The following PHF24 variants were observed in gnomAD, a reference collection of about 807,000 sequenced individuals.
The protein encoded by PHF24 is PHD finger protein 24.
In PHF24, 25 loss-of-function variants were observed where a neutral mutation model predicts 42.6. The observed-to-expected ratio is 0.59, with a 90% CI of 0.43 to 0.82. PHF24 has a LOEUF of 0.82. Ranked by LOEUF, PHF24 falls within the 40% of genes least tolerant of loss-of-function variation. PHF24 has a pLI of 0.00. For missense variants in PHF24, 470 were observed against 538.1 expected, an observed-to-expected ratio of 0.87 and a Z score of 1.25; for synonymous variants, 185 against 204.8, an observed-to-expected ratio of 0.90 and a Z score of 0.83.
upstream of PHF24, chr9:34,958,226 G>GCGCCGCCGCCGCCGCCGCCGC (rs1240549939): frequency 1.3e-4 from 20 of 150,366 alleles, 1 homozygote; most frequent in African/African-American, 4.6e-4. The surrounding 1 kb of genome is among the most constrained non-coding windows in gnomAD (Gnocchi z 4.5). Flanking sequence ...CCGGCCGCGC[G>GCGCCGCCGCCGCCGCCGCCGC]CGCCGCCGCC....
chr9:34,804,685 A>G, the PHF24 span, among the ~76,000 whole-genome samples: 2 of 151,590 alleles, frequency 1.3e-5, no homozygotes, highest in Non-Finnish European at 2.9e-5. Flanking sequence ...CTGACTCCAG[A>G]ATCCATGCTT....
chr9:34,917,073 G>T, the PHF24 span: 1 of 704,604 alleles, frequency 1.4e-6, no homozygotes. Flanking sequence ...AGAGCGGAGC[G>T]TGTGAGCAGC....
At chr9:34,893,818 G>C in the PHF24 span, among the ~76,000 whole-genome samples, 1 of 152,164 alleles carries the variant, frequency 6.6e-6, no homozygotes, top group African/African-American at 2.4e-5. Flanking sequence ...GGCATCACCA[G>C]TTAGAACCCG....
At chr9:34,920,343 T>A in the PHF24 span, among the ~76,000 whole-genome samples, 1 of 152,178 alleles carries the variant, frequency 6.6e-6, no homozygotes, top group African/African-American at 2.4e-5. Flanking sequence ...TGTTTCTGGG[T>A]TCTCTGTTCT....
At chr9:34,730,253 T>C in the PHF24 span, among the ~76,000 whole-genome samples, 10 of 152,330 alleles carry the variant, frequency 6.6e-5, no homozygotes, top group East Asian at 1.9e-3. Context: ...TTTTGTAAAT[T>C]TTTAGGCAGG....
chr9:34,686,952 TG>T, the PHF24 span, among the ~76,000 whole-genome samples: 1 of 150,858 alleles, frequency 6.6e-6, no homozygotes, highest in East Asian at 1.9e-4. Flanking sequence ...AATGTTAGAG[TG>T]GGGCAGGATG....
chr9:34,958,239 C>CGCG (rs1826451222), upstream of PHF24: 1 of 150,466 alleles, frequency 6.6e-6, no homozygotes, highest in African/African-American at 2.6e-5. This position sits in a 1 kb window ranked among gnomAD's most constrained non-coding sequence, Gnocchi z 4.5. Context: ...CCGCCGCCGC[C>CGCG]GCCGCCGCCG....
chr9:34,677,553 C>T, the PHF24 span, among the ~76,000 whole-genome samples: 6 of 151,942 alleles, frequency 3.9e-5, no homozygotes, highest in East Asian at 1.9e-4. Flanking sequence ...CCCGCCACCA[C>T]GCCTGGCTAA....
the PHF24 span, among the ~76,000 whole-genome samples, chr9:34,771,992 G>A: frequency 1.3e-5 from 2 of 152,122 alleles, no homozygotes; most frequent in Non-Finnish European, 2.9e-5. Flanking sequence ...GATAATAGCC[G>A]TTAAATAACA....
chr9:34,957,968 G>A (rs1260529940), upstream of PHF24, among the ~76,000 whole-genome samples: 3 of 151,208 alleles, frequency 2.0e-5, no homozygotes, highest in Admixed American at 6.6e-5. Flanking sequence ...CCGCAGTGCC[G>A]GGCGCTCGTG....
At chr9:34,767,516 G>A in the PHF24 span, among the ~76,000 whole-genome samples, 1 of 152,242 alleles carries the variant, frequency 6.6e-6, no homozygotes, top group Non-Finnish European at 1.5e-5. Context: ...GCCAGGTGCG[G>A]GATATAGTCT....
the PHF24 span, among the ~76,000 whole-genome samples, chr9:34,806,062 A>G: frequency 3.3e-5 from 5 of 152,214 alleles, no homozygotes; most frequent in African/African-American, 1.2e-4. Context: ...TCTTAACTCT[A>G]TTTCACTGAT....
At chr9:34,726,374 G>T in the PHF24 span, 2 of 1,548,312 alleles carry the variant, frequency 1.3e-6, no homozygotes, top group Admixed American at 3.9e-5. Context: ...CAGCACTTCA[G>T]GACTGAGAAA....
chr9:34,928,521 T>C, the PHF24 span, among the ~76,000 whole-genome samples: 1 of 152,184 alleles, frequency 6.6e-6, no homozygotes, highest in African/African-American at 2.4e-5. Context: ...CAAAAAAGAC[T>C]CTCCTGAGCT....
At chr9:34,885,792 G>A in the PHF24 span, among the ~76,000 whole-genome samples, 1 of 151,554 alleles carries the variant, frequency 6.6e-6, no homozygotes, top group Admixed American at 6.6e-5. Context: ...AGCACCTGCT[G>A]CACAGATATC....
chr9:34,770,328 T>C, the PHF24 span, among the ~76,000 whole-genome samples: 1 of 152,182 alleles, frequency 6.6e-6, no homozygotes, highest in Non-Finnish European at 1.5e-5. Context: ...CACACCTTTT[T>C]TCTCACAGCA....
chr9:34,668,897 T>A, the PHF24 span, among the ~76,000 whole-genome samples: 3 of 151,860 alleles, frequency 2.0e-5, no homozygotes, highest in African/African-American at 7.3e-5. Flanking sequence ...GCCCTATTGT[T>A]TATGCAAAAA....
the PHF24 span, among the ~76,000 whole-genome samples, chr9:34,779,685 G>A: frequency 2.6e-5 from 4 of 152,284 alleles, no homozygotes; most frequent in Middle Eastern, 3.4e-3. Flanking sequence ...GGAGAGAATT[G>A]AGAGCCCACA....
chr9:34,738,265 C>T, the PHF24 span, among the ~76,000 whole-genome samples: 1 of 152,188 alleles, frequency 6.6e-6, no homozygotes, highest in African/African-American at 2.4e-5. Flanking sequence ...TTAAGCCACT[C>T]ACTTGGGGGT....
Sources: gnomAD v4.1 joint callset for allele counts (sites outside exome capture counted in the v4.1 genomes callset) on GRCh38, gnomAD v4.1.1 for gene constraint, Gnocchi (gnomAD v3.1) non-coding constraint, MANE v1.5 for transcripts, NCBI Gene and HGNC (gene_info 2026-07-23, HGNC 2026-07-21) for gene names.